The following GAPVD1 variants were observed in gnomAD, a reference collection of about 807,000 sequenced individuals.
GAPVD1 encodes GTPase-activating protein and VPS9 domain-containing protein 1.
A neutral mutation model predicts 155.5 loss-of-function variants in GAPVD1; 35 were observed. That is an observed-to-expected ratio of 0.23 (90% CI 0.17 to 0.30). The LOEUF is 0.30. GAPVD1 is among the 10% of genes least tolerant of loss of function. The pLI is 1.00. For synonymous variants in GAPVD1, 636 were observed against 619.7 expected, an observed-to-expected ratio of 1.03 and a Z score of -0.39; for missense variants, 1,429 against 1,775.7, an observed-to-expected ratio of 0.80 and a Z score of 3.51.
chr9:125,288,831 A>G (rs1838140242), intron 2 of GAPVD1, among the ~76,000 whole-genome samples: 1 of 152,236 alleles, frequency 6.6e-6, no homozygotes, highest in Non-Finnish European at 1.5e-5. Context: ...ACATGAGATA[A>G]ATAAGTAAAA....
intron 5 of GAPVD1, among the ~76,000 whole-genome samples, chr9:125,303,515 G>A (rs998526216): frequency 9.0e-4 from 136 of 150,672 alleles, no homozygotes; most frequent in Non-Finnish European, 1.2e-3. Context: ...GGTGGCTTAC[G>A]CCTGTAATCC....
chr9:125,329,495 C>T (rs1461479251), intron 12 of GAPVD1, among the ~76,000 whole-genome samples: 1 of 152,154 alleles, frequency 6.6e-6, no homozygotes, highest in African/African-American at 2.4e-5. Context: ...TATGGAGAGT[C>T]AAAGGTGAAC....
In GAPVD1 at chr9:125,350,700, A is replaced by T; in HGVS notation, c.3410-13A>T. Reference sequence around the variant, plus strand: ...TTCTCAAGAATAACAGAATTCTTGTATCTTTTATTTAGACAATGAAATTGT... The same window carrying T: ...TTCTCAAGAATAACAGAATTCTTGTTTCTTTTATTTAGACAATGAAATTGT... On this transcript the variant is annotated splice_polypyrimidine_tract_variant and intron_variant, in intron 22 of 27. Transcript: ENST00000297933. The T allele has an allele frequency of 7.0e-7, 1 of 1,437,774 alleles. No homozygotes were observed. Among genetic ancestry groups the T allele is most frequent in the Non-Finnish European group, 9.7e-7 (1 of 1,028,908 alleles). 89.1% of individuals were successfully genotyped at this position (1,437,774 alleles called of 1,614,324 possible).
chr9:125,367,043 G>A lies in GAPVD1; in HGVS notation c.*4297G>A, dbSNP rs959939871. The A allele has an allele frequency of 6.6e-6, 1 of 152,334 alleles. No homozygotes were observed. The highest frequency in any genetic ancestry group is 6.5e-5 in the Admixed American group (1 of 15,298). The allele number at this position is 152,334 out of a possible 1,614,324, so 9.4% of individuals were successfully genotyped here. A position where few individuals can be genotyped will look rare whatever the true frequency, so the allele number is the denominator to read the frequency against. ...TGTGCTTCACCTGGATTAAAAAGCT[G>A]TACTGCCTCTTTTGAAACAGATAAA... On this transcript the variant is annotated 3_prime_UTR_variant, in exon 28 of 28. Coordinates refer to ENST00000297933, the MANE Select transcript of GAPVD1 (RefSeq NM_001282680.3).
At chr9:125,362,371 G>A (rs1851064761) in intron 27 of GAPVD1, among the ~76,000 whole-genome samples, 1 of 152,134 alleles carries the variant, frequency 6.6e-6, no homozygotes, top group Non-Finnish European at 1.5e-5. Context: ...GGACTTGCAA[G>A]GATAGAAACC....
chr9:125,294,807 C>T (rs1339653592), intron 2 of GAPVD1, among the ~76,000 whole-genome samples: 1 of 151,776 alleles, frequency 6.6e-6, no homozygotes, highest in Non-Finnish European at 1.5e-5. Flanking sequence ...GCTGGAGACA[C>T]TATGTTTTGT....
At chr9:125,297,377 G>A (rs1439317107) in intron 3 of GAPVD1, among the ~76,000 whole-genome samples, 1 of 152,184 alleles carries the variant, frequency 6.6e-6, no homozygotes, top group South Asian at 2.1e-4. Context: ...TAGGGGCAGT[G>A]CTTTTTTAAA....
chr9:125,272,380 C>A (rs539105185), intron 2 of GAPVD1, among the ~76,000 whole-genome samples: 1 of 152,164 alleles, frequency 6.6e-6, no homozygotes, highest in Non-Finnish European at 1.5e-5. Context: ...CCTTTGGAAC[C>A]CGAGGAATCT....
At chr9:125,352,224 C>T (rs1362457598) in intron 23 of GAPVD1, among the ~76,000 whole-genome samples, 1 of 152,246 alleles carries the variant, frequency 6.6e-6, no homozygotes, top group Non-Finnish European at 1.5e-5. Context: ...CTCTACTAGG[C>T]AGTGCCCCAG....
intron 19 of GAPVD1, among the ~76,000 whole-genome samples, chr9:125,343,288 G>A (rs991593824): frequency 2.0e-5 from 3 of 151,806 alleles, no homozygotes; most frequent in African/African-American, 7.3e-5. Context: ...TGTGGCCCAG[G>A]GAAGCTAAAA....
chr9:125,361,887 G>T (rs1050519503), intron 27 of GAPVD1, among the ~76,000 whole-genome samples: 1 of 152,206 alleles, frequency 6.6e-6, no homozygotes, highest in Non-Finnish European at 1.5e-5. Flanking sequence ...AGCTGTTGCT[G>T]TCTAAAGTGT....
intron 17 of GAPVD1, among the ~76,000 whole-genome samples, chr9:125,340,419 T>C (rs564546228): frequency 1.3e-5 from 2 of 152,298 alleles, no homozygotes; most frequent in South Asian, 4.1e-4. Flanking sequence ...CTGTGCCACA[T>C]ATAGGCTGTG....
chr9:125,285,283 C>T (rs961305176), intron 2 of GAPVD1, among the ~76,000 whole-genome samples: 1 of 151,978 alleles, frequency 6.6e-6, no homozygotes, highest in African/African-American at 2.4e-5. Context: ...TTTTGCTGGC[C>T]CCTCCTCTAT....
chr9:125,297,767 A>G (rs1053897588), intron 3 of GAPVD1, among the ~76,000 whole-genome samples: 6 of 152,072 alleles, frequency 3.9e-5, no homozygotes, highest in African/African-American at 1.2e-4. Flanking sequence ...GTTTTTTGAG[A>G]TAGAGTCTCA....
chr9:125,367,013 C>G lies in GAPVD1; in HGVS notation c.*4267C>G, dbSNP rs1035915849. 1 of 152,188 alleles carries G rather than the reference C, an allele frequency of 6.6e-6. No homozygotes were observed. The highest frequency in any genetic ancestry group is 1.5e-5 in the Non-Finnish European group (1 of 68,028). The allele number at this position is 152,188 out of a possible 1,614,324, so 9.4% of individuals were successfully genotyped here. A position where few individuals can be genotyped will look rare whatever the true frequency, so the allele number is the denominator to read the frequency against. ...TTAATACTCTCCTGTCTACTGGATTCTTCTTGTGCTTCACCTGGATTAAAA... is the reference window on the plus strand; with the variant it reads ...TTAATACTCTCCTGTCTACTGGATTGTTCTTGTGCTTCACCTGGATTAAAA... On this transcript the variant is annotated 3_prime_UTR_variant, in exon 28 of 28. Coordinates refer to ENST00000297933, the MANE Select transcript of GAPVD1 (RefSeq NM_001282680.3).
intron 1 of GAPVD1, among the ~76,000 whole-genome samples, chr9:125,264,823 A>G (rs1490277740): frequency 6.7e-6 from 1 of 149,988 alleles, no homozygotes; most frequent in Non-Finnish European, 1.5e-5. Flanking sequence ...GGTTCATGCC[A>G]TTCTCCTGCC....
In GAPVD1 at chr9:125,366,534, G is replaced by A. The variant is rs1021926024; in HGVS notation, c.*3788G>A. The A allele has an allele frequency of 3.3e-5, 5 of 152,118 alleles. No individual in the cohort carries two copies. Among genetic ancestry groups the A allele is most frequent in the Non-Finnish European group, 5.9e-5 (4 of 68,028 alleles). The allele number at this position is 152,118 out of a possible 1,614,324, so 9.4% of individuals were successfully genotyped here. A position where few individuals can be genotyped will look rare whatever the true frequency, so the allele number is the denominator to read the frequency against. ...TCCTGCTTTGTTTCTTTAAAGAAAA[G>A]GCTGTTGTCTCTCTTTTTAAATATT... On this transcript the variant is annotated 3_prime_UTR_variant, in exon 28 of 28. Transcript: ENST00000297933.
intron 20 of GAPVD1, among the ~76,000 whole-genome samples, chr9:125,348,001 C>T (rs779604494): frequency 4.6e-5 from 7 of 152,078 alleles, no homozygotes; most frequent in Non-Finnish European, 1.0e-4. Flanking sequence ...CATTTTGCCA[C>T]GTTCCGCCAT....
chr9:125,288,192 A>G (rs1588666537), intron 2 of GAPVD1, among the ~76,000 whole-genome samples: 1 of 150,154 alleles, frequency 6.7e-6, no homozygotes, highest in African/African-American at 2.5e-5. Flanking sequence ...GCTCACTGCA[A>G]CCTCCTCTTC....
Sources: gnomAD v4.1 joint callset for allele counts (sites outside exome capture counted in the v4.1 genomes callset) on GRCh38, gnomAD v4.1.1 for gene constraint, MANE v1.5 for transcripts, NCBI Gene and HGNC (gene_info 2026-07-23, HGNC 2026-07-21) for gene names.